The following CACNA1E variants were observed in gnomAD, a reference collection of about 807,000 sequenced individuals.
The protein encoded by CACNA1E is calcium voltage-gated channel subunit alpha1 E.
In CACNA1E, 40 loss-of-function variants were observed where a neutral mutation model predicts 259.2. The ratio of observed to expected loss-of-function variants is 0.15; its 90% confidence interval spans 0.12 to 0.20. The LOEUF (loss-of-function observed/expected upper bound fraction) is 0.20, where lower values mean the gene tolerates loss of function less well. Among genes scored for constraint, CACNA1E ranks in the 10% least tolerant of loss-of-function variants. The pLI, the probability that CACNA1E is intolerant of heterozygous loss-of-function variation, is 1.00. For synonymous variants in CACNA1E, 1,104 were observed against 1,138.5 expected (o/e 0.97, Z 0.61); for missense variants, 1,874 against 3,040.1 (o/e 0.62, Z 9.02).
At chr1:181,480,749 G>C (rs959817065), upstream of CACNA1E, among the ~76,000 whole-genome samples, 3 of 148,254 alleles carry the variant, frequency 2.0e-5, no homozygotes, top group Non-Finnish European at 4.4e-5. Flanking sequence ...GTGACAGCAT[G>C]AGAGTGAAGT....
intron 2 of CACNA1E, among the ~76,000 whole-genome samples, chr1:181,442,648 T>C (rs1307810401): frequency 6.6e-6 from 1 of 152,204 alleles, no homozygotes; most frequent in African/African-American, 2.4e-5. Flanking sequence ...AGCCTCCCAG[T>C]GACCTGGTTC....
chr1:181,507,051 C>CA (rs11286400), intron 1 of CACNA1E, among the ~76,000 whole-genome samples: 4,338 of 147,536 alleles, frequency 0.029, 198 homozygotes, highest in African/African-American at 0.096. Flanking sequence ...AAATGTAAAG[C>CA]AAAAAAAAAA....
At chr1:181,322,105 A>G (rs1022395514) in intron 1 of CACNA1E, among the ~76,000 whole-genome samples, 1 of 152,190 alleles carries the variant, frequency 6.6e-6, no homozygotes, top group Non-Finnish European at 1.5e-5. Context: ...TCCTATAGGC[A>G]GGCCTCAGCC....
At chr1:181,442,016 C>T (rs928200916) in intron 2 of CACNA1E, among the ~76,000 whole-genome samples, 9 of 152,152 alleles carry the variant, frequency 5.9e-5, no homozygotes, top group Admixed American at 5.9e-4. Context: ...GTGTTGTCAA[C>T]ACAATCACAG....
At chr1:181,444,177 C>T (rs564995424) in intron 2 of CACNA1E, among the ~76,000 whole-genome samples, 4 of 152,122 alleles carry the variant, frequency 2.6e-5, no homozygotes, top group Non-Finnish European at 4.4e-5. Flanking sequence ...GCAGGGTGGC[C>T]GAGAAAAAGC....
intron 18 of CACNA1E, among the ~76,000 whole-genome samples, chr1:181,726,891 A>G (rs1488708949): frequency 6.6e-6 from 1 of 152,140 alleles, no homozygotes; most frequent in Non-Finnish European, 1.5e-5. Flanking sequence ...GTTTGGAGAG[A>G]GAGCCAATAG....
chr1:181,698,818 G>C (rs1249074765), intron 7 of CACNA1E, among the ~76,000 whole-genome samples: 3 of 152,144 alleles, frequency 2.0e-5, no homozygotes, highest in Admixed American at 6.6e-5. Context: ...CTGTAAGACA[G>C]GCTTAAAGAA....
chr1:181,324,493 A>G lies in CACNA1E; in HGVS notation c.-15+6370A>G, dbSNP rs1209219142. Among the ~76,000 whole-genome samples, 3 of 152,360 alleles carry G rather than the reference A, an allele frequency of 2.0e-5. No individual in the cohort carries two copies. In the East Asian group the frequency reaches 5.8e-4, roughly 29 times the overall value. On this transcript the variant is annotated intron_variant, in intron 1 of 11. Transcript: ENST00000524607. ...TTTGAGACTATGAAATGAATGCAGC[A>G]CATTTTATATCTCATTGAGCAAAAT... is the stretch of plus-strand genomic sequence containing the variant.
intron 7 of CACNA1E, among the ~76,000 whole-genome samples, chr1:181,667,430 T>C (rs1163366209): frequency 6.6e-6 from 1 of 152,148 alleles, no homozygotes; most frequent in East Asian, 1.9e-4. Context: ...AAAAAAGCTC[T>C]TATTCTGAGA....
In CACNA1E at chr1:181,804,452, T is replaced by A. The variant is rs1558418636; in HGVS notation, c.*5618T>A. 6.6e-6 allele frequency: 1 copy of A among 152,218 alleles called. No homozygotes were observed. Among genetic ancestry groups the A allele is most frequent in the Non-Finnish European group, 1.5e-5 (1 of 68,036 alleles). 9.4% of individuals were successfully genotyped at this position (152,218 alleles called of 1,614,324 possible). On this transcript the variant is annotated 3_prime_UTR_variant, in exon 48 of 48. Coordinates refer to ENST00000367573, the MANE Select transcript of CACNA1E (RefSeq NM_001205293.3). ...ATTAATGAAGAACTGCCCCAAAACT[T>A]CAGTGAAAGCCAAGGAGGTACAGAA...
At chr1:181,773,753 A>G (rs1659728140) in intron 37 of CACNA1E, among the ~76,000 whole-genome samples, 1 of 152,236 alleles carries the variant, frequency 6.6e-6, no homozygotes, top group South Asian at 2.1e-4. Flanking sequence ...GCGCATGTGG[A>G]CATCTTACTT....
chr1:181,514,761 C>T (rs546628275), intron 3 of CACNA1E, among the ~76,000 whole-genome samples: 1 of 152,118 alleles, frequency 6.6e-6, no homozygotes, highest in African/African-American at 2.4e-5. Context: ...CAGTGTAAGA[C>T]CTGCTCTTAT....
At chr1:181,438,594 A>C (rs1026728140) in intron 2 of CACNA1E, among the ~76,000 whole-genome samples, 24 of 152,230 alleles carry the variant, frequency 1.6e-4, no homozygotes, top group African/African-American at 5.5e-4. Context: ...TTTAGGCTAG[A>C]AATCCCCAAT....
intron 2 of CACNA1E, among the ~76,000 whole-genome samples, chr1:181,424,044 C>T (rs371655684): frequency 3.8e-4 from 58 of 152,246 alleles, no homozygotes; most frequent in African/African-American, 1.0e-3. Flanking sequence ...CACTCAGAGA[C>T]GAGGCATTTC....
chr1:181,428,624 C>A (rs759003312), intron 2 of CACNA1E, among the ~76,000 whole-genome samples: 1 of 152,070 alleles, frequency 6.6e-6, no homozygotes, highest in Non-Finnish European at 1.5e-5. Context: ...TGCTCTTGGG[C>A]CCCAGTGGTG....
intron 6 of CACNA1E, among the ~76,000 whole-genome samples, chr1:181,633,075 G>A (rs972588829): frequency 1.1e-4 from 17 of 152,090 alleles, no homozygotes; most frequent in African/African-American, 4.1e-4. Flanking sequence ...AACGTCTTTC[G>A]AAGTGTGCTT....
intron 1 of CACNA1E, among the ~76,000 whole-genome samples, chr1:181,403,383 G>T (rs1323780976): frequency 6.6e-6 from 1 of 151,600 alleles, no homozygotes; most frequent in Non-Finnish European, 1.5e-5. Context: ...CTACCCTACT[G>T]AATTGCAGAA....
chr1:181,720,352 GC>G lies in CACNA1E; in HGVS notation c.1883+16del. On this transcript the variant is annotated intron_variant, in intron 14 of 47. Transcript: ENST00000367573. ...TTTGGAGGCAGGTAAGTGCCCAGAA[GC>G]TTTCCATCCAAAGGAGGCTCAAAAC... 1 of 1,609,440 alleles carries G rather than the reference GC, an allele frequency of 6.2e-7. No individual in the cohort carries two copies. Among genetic ancestry groups the G allele is most frequent in the Non-Finnish European group, 8.5e-7 (1 of 1,178,138 alleles).
At chr1:181,654,003 C>A (rs1485420622) in intron 7 of CACNA1E, among the ~76,000 whole-genome samples, 1 of 151,616 alleles carries the variant, frequency 6.6e-6, no homozygotes, top group Non-Finnish European at 1.5e-5. Context: ...AAATGACCAA[C>A]ACATAAGAAC....
Sources: allele counts gnomAD v4.1 joint callset (sites outside exome capture counted in the v4.1 genomes callset), GRCh38; gene constraint gnomAD v4.1.1; transcripts MANE v1.5; gene names NCBI Gene and HGNC (gene_info 2026-07-23, HGNC 2026-07-21).